Variants in SCN9A observed in about 807,000 individuals in gnomAD.
The protein encoded by SCN9A is sodium voltage-gated channel alpha subunit 9.
SCN9A carries 131 observed loss-of-function variants against 187.0 expected under a neutral mutation model. That is an observed-to-expected ratio of 0.70 (90% CI 0.61 to 0.81). The LOEUF is 0.81. SCN9A is among the 30% of genes least tolerant of loss of function. The pLI is 0.00. For missense variants in SCN9A, 2,252 were observed against 2,396.6 expected, an observed-to-expected ratio of 0.94 and a Z score of 1.26; for synonymous variants, 809 against 808.6, an observed-to-expected ratio of 1.00 and a Z score of -0.01.
At chr2:166,253,513 T>A (rs567764348) in intron 17 of SCN9A, among the ~76,000 whole-genome samples, 1 of 151,932 alleles carries the variant, frequency 6.6e-6, no homozygotes, top group South Asian at 2.1e-4. Context: ...AAGTATAAAC[T>A]ATAGAATGAG....
At chr2:166,351,436 C>G (rs1042379617) in intron 1 of SCN9A, among the ~76,000 whole-genome samples, 1 of 152,140 alleles carries the variant, frequency 6.6e-6, no homozygotes, top group African/African-American at 2.4e-5. Context: ...TGGTAAGGTT[C>G]TATTGCAATA....
chr2:166,221,598 A>G (rs1264491093), intron 24 of SCN9A, among the ~76,000 whole-genome samples: 1 of 152,082 alleles, frequency 6.6e-6, no homozygotes, highest in African/African-American at 2.4e-5. Context: ...GAAGGAGTCT[A>G]TCTTGCCCAG....
intron 1 of SCN9A, among the ~76,000 whole-genome samples, chr2:166,315,392 C>G (rs1226001266): frequency 6.6e-6 from 1 of 152,162 alleles, no homozygotes; most frequent in Non-Finnish European, 1.5e-5. Flanking sequence ...CCCCCAACCC[C>G]CATGCACATG....
At chr2:166,320,918 C>T (rs1699222217) in intron 1 of SCN9A, among the ~76,000 whole-genome samples, 1 of 151,932 alleles carries the variant, frequency 6.6e-6, no homozygotes, top group Non-Finnish European at 1.5e-5. Flanking sequence ...TCTGTGTAAC[C>T]TAAAAAAATA....
intron 1 of SCN9A, among the ~76,000 whole-genome samples, chr2:166,348,421 C>A (rs117581394): frequency 6.6e-6 from 1 of 152,220 alleles, no homozygotes; most frequent in East Asian, 1.9e-4. Flanking sequence ...AATAGAGTAA[C>A]ATCTAATCAA....
chr2:166,347,703 G>A (rs1281657784), intron 1 of SCN9A, among the ~76,000 whole-genome samples: 1 of 152,080 alleles, frequency 6.6e-6, no homozygotes. Context: ...GACTTTATAT[G>A]AAGTAATCAA....
intron 1 of SCN9A, among the ~76,000 whole-genome samples, chr2:166,337,280 A>G (rs1017793200): frequency 6.6e-6 from 1 of 152,134 alleles, no homozygotes; most frequent in Non-Finnish European, 1.5e-5. Context: ...ATGAGAGGAA[A>G]CTAGGAGGAT....
chr2:166,312,223 A>C lies in SCN9A; in HGVS notation c.-50-417T>G, dbSNP rs114681048. ...CAACTAAACTTATGTAATATTCTAA[A>C]TCCTCTGCTGTCACTTCAACAATGT... On this transcript the variant is annotated intron_variant, in intron 1 of 26. Coordinates refer to ENST00000642356, the MANE Select transcript of SCN9A (RefSeq NM_001365536.1). Among the ~76,000 whole-genome samples the C allele has an allele frequency of 2.1e-3, 318 of 152,212 alleles. 2 individuals are homozygous for C. Among genetic ancestry groups the C allele is most frequent in the African/African-American group, 7.3e-3 (305 of 41,534 alleles).
In SCN9A at chr2:166,198,805, T is replaced by C. The variant is rs1558938578; in HGVS notation, c.5834A>G (p.Lys1945Arg). Residue 1945 changes from lysine (K) to arginine (R), a missense_variant, in exon 27 of 27, where the codon AAA (lysine) becomes AGA (arginine). Transcript: ENST00000642356. ...GGTGGTGGATGAAGTGGCATCTGTT[T>C]TTTCTGGACTTGAGTTCTCATTAAC... ...DNVNENSSPE[K>R]TDATSSTTSP... is the part of the protein sequence containing the mutation. 3 of 1,613,212 alleles carry C rather than the reference T, an allele frequency of 1.9e-6. No individual in the cohort carries two copies. The highest frequency in any genetic ancestry group is 2.5e-6 in the Non-Finnish European group (3 of 1,179,362).
intron 1 of SCN9A, among the ~76,000 whole-genome samples, chr2:166,320,300 T>C (rs919880553): frequency 1.6e-4 from 24 of 152,266 alleles, no homozygotes; most frequent in African/African-American, 5.1e-4. Context: ...GAAGATATTA[T>C]ACCTCTCTCT....
At chr2:166,287,073 G>A (rs1697797586) in intron 10 of SCN9A, among the ~76,000 whole-genome samples, 1 of 152,056 alleles carries the variant, frequency 6.6e-6, no homozygotes, top group Admixed American at 6.6e-5. Flanking sequence ...GCATAATATT[G>A]TAAGAAAGTG....
At chr2:166,223,662 G>A (rs955723658) in intron 24 of SCN9A, among the ~76,000 whole-genome samples, 6 of 152,106 alleles carry the variant, frequency 3.9e-5, no homozygotes, top group African/African-American at 7.2e-5. Context: ...GTAGTACTTC[G>A]TAACTATAGT....
chr2:166,262,557 CCCTGAATTACA>C, intron 17 of SCN9A, among the ~76,000 whole-genome samples: 2 of 152,016 alleles, frequency 1.3e-5, no homozygotes, highest in East Asian at 3.9e-4. Flanking sequence ...GAAAATTTCA[CCCTGAATTACA>C]CCATTACAGA....
At chr2:166,222,562 A>C (rs1694633244) in intron 24 of SCN9A, among the ~76,000 whole-genome samples, 1 of 152,004 alleles carries the variant, frequency 6.6e-6, no homozygotes, top group African/African-American at 2.4e-5. Context: ...AGGGAGTCGG[A>C]GGTTGCAGTG....
chr2:166,258,723 G>C (rs971923139), intron 17 of SCN9A, among the ~76,000 whole-genome samples: 2 of 151,506 alleles, frequency 1.3e-5, no homozygotes, highest in East Asian at 3.9e-4. Flanking sequence ...TAAATACAAA[G>C]CTAGAATTAC....
chr2:166,370,918 T>A (rs1460109161), intron 1 of SCN9A, among the ~76,000 whole-genome samples: 1 of 152,124 alleles, frequency 6.6e-6, no homozygotes, highest in African/African-American at 2.4e-5. Context: ...CAATCCTAGG[T>A]GCAATTAGAG....
At chr2:166,300,222 C>A (rs1298220911) in intron 7 of SCN9A, among the ~76,000 whole-genome samples, 2 of 150,806 alleles carry the variant, frequency 1.3e-5, no homozygotes, top group Non-Finnish European at 2.9e-5. Context: ...CCTATTTTTT[C>A]TGCTACTTTC....
At chr2:166,279,665 T>A (rs1697389480) in intron 14 of SCN9A, among the ~76,000 whole-genome samples, 1 of 152,146 alleles carries the variant, frequency 6.6e-6, no homozygotes, top group Admixed American at 6.6e-5. Context: ...TTTCATTAAG[T>A]CTTTGAAGTT....
At position 166,274,331 on chromosome 2, in the gene SCN9A, ATAT is replaced by A. The variant is rs1396905045; in HGVS notation, c.2875-1459_2875-1457del. On this transcript the variant is annotated intron_variant, in intron 16 of 26. Coordinates refer to ENST00000642356, the MANE Select transcript of SCN9A (RefSeq NM_001365536.1). ...ATTATCATGTTAAACAAGAGAAGAA[ATAT>A]TAATAAAATGTATACTTGATTCAAA... Among the ~76,000 whole-genome samples the A allele has an allele frequency of 1.9e-4, 29 of 152,184 alleles. 1 individual carries two copies. Among genetic ancestry groups the A allele is most frequent in the Admixed American group, 1.9e-3 (29 of 15,264 alleles).
Sources: gnomAD v4.1 joint callset for allele counts (sites outside exome capture counted in the v4.1 genomes callset) on GRCh38, gnomAD v4.1.1 for gene constraint, MANE v1.5 for transcripts, NCBI Gene and HGNC (gene_info 2026-07-23, HGNC 2026-07-21) for gene names.